Variants in SLC44A5 observed in about 807,000 individuals in gnomAD.
The protein encoded by SLC44A5 is solute carrier family 44 member 5.
In SLC44A5, 57 loss-of-function variants were observed where a neutral mutation model predicts 101.8. The observed-to-expected ratio is 0.56, with a 90% CI of 0.45 to 0.70. The LOEUF is 0.70. Among genes scored for constraint, SLC44A5 ranks in the 30% least tolerant of loss-of-function variants. The probability of loss-of-function intolerance (pLI) is 0.00; values close to 1 mark genes in which losing one functional copy is unlikely to be tolerated. For missense variants in SLC44A5, 737 were observed against 853.1 expected (o/e 0.86, Z 1.70); for synonymous variants, 281 against 290.9 (o/e 0.97, Z 0.35).
At chr1:75,563,770 T>C (rs1672644647) in intron 1 of SLC44A5, among the ~76,000 whole-genome samples, 1 of 152,150 alleles carries the variant, frequency 6.6e-6, no homozygotes, top group Admixed American at 6.5e-5. Context: ...AATAACATAG[T>C]TGTTCTATTG....
intron 2 of SLC44A5, among the ~76,000 whole-genome samples, chr1:75,472,740 A>G (rs1162325648): frequency 6.6e-6 from 1 of 152,192 alleles, no homozygotes; most frequent in African/African-American, 2.4e-5. Context: ...TAAAGCACAA[A>G]TGTGGTATTT....
At chr1:75,535,947 G>A (rs749659564) in intron 2 of SLC44A5, among the ~76,000 whole-genome samples, 7 of 151,726 alleles carry the variant, frequency 4.6e-5, no homozygotes, top group Non-Finnish European at 8.8e-5. Context: ...GGTGGTCCAT[G>A]CCTGTAATCT....
chr1:75,389,023 G>A (rs1420362067), intron 3 of SLC44A5, among the ~76,000 whole-genome samples: 1 of 152,098 alleles, frequency 6.6e-6, no homozygotes, highest in African/African-American at 2.4e-5. Context: ...AAGAGCAGGA[G>A]TGGCTATTCT....
At chr1:75,710,235 G>C in the SLC44A5 span, 1 of 152,068 alleles carries the variant, frequency 6.6e-6, no homozygotes, top group African/African-American at 2.4e-5. Flanking sequence ...TAAATATGTA[G>C]AGTTAATTGT....
At position 75,208,488 on chromosome 1, in the gene SLC44A5, A is replaced by G. The variant is rs77573209; in HGVS notation, c.2047+2980T>C. Among the ~76,000 whole-genome samples, 240 of 152,328 alleles carry G rather than the reference A, an allele frequency of 1.6e-3. 10 individuals are homozygous for G. The East Asian group carries it at 0.044, about 28-fold the overall frequency. ...AAATTTTTTATACGTGAAATTGTGAAGAAGAAAAAAGAATTTTAAGCTAGT... is the reference window on the plus strand; with the variant it reads ...AAATTTTTTATACGTGAAATTGTGAGGAAGAAAAAAGAATTTTAAGCTAGT... On this transcript the variant is annotated intron_variant, in intron 23 of 23. Coordinates refer to ENST00000370859, the MANE Select transcript of SLC44A5 (RefSeq NM_001130058.2).
In SLC44A5 at chr1:75,257,995, T is replaced by C. The variant is rs561393752; in HGVS notation, c.261-6701A>G. Among the ~76,000 whole-genome samples the C allele has an allele frequency of 2.6e-5, 4 of 152,172 alleles. No individual in the cohort carries two copies. The East Asian group carries it at 7.8e-4, about 30-fold the overall frequency. On this transcript the variant is annotated intron_variant, in intron 6 of 23. Transcript: ENST00000370859. ...CTAAGGAAATAGCCATTAGGGACTG[T>C]ATCATGCACTCTGGCCCAGATTTTG...
chr1:75,717,212 A>T, the SLC44A5 span, among the ~76,000 whole-genome samples: 3 of 151,506 alleles, frequency 2.0e-5, no homozygotes, highest in Admixed American at 1.3e-4. Flanking sequence ...GCTGTGGCTC[A>T]TGCCTGTAAT....
intron 2 of SLC44A5, among the ~76,000 whole-genome samples, chr1:75,489,457 A>C (rs1668321694): frequency 6.6e-6 from 1 of 152,242 alleles, no homozygotes; most frequent in Non-Finnish European, 1.5e-5. Context: ...TACAGGATGC[A>C]AGGTCAATAA....
intron 2 of SLC44A5, among the ~76,000 whole-genome samples, chr1:75,456,360 A>G (rs552650651): frequency 6.6e-6 from 1 of 152,228 alleles, no homozygotes; most frequent in South Asian, 2.1e-4. Flanking sequence ...AAGTAGGGAG[A>G]AAAAAGGGAA....
At chr1:75,657,870 C>T in the SLC44A5 span, among the ~76,000 whole-genome samples, 1 of 152,098 alleles carries the variant, frequency 6.6e-6, no homozygotes, top group African/African-American at 2.4e-5. Context: ...GTTATTATCC[C>T]TCTATTAGTA....
intron 5 of SLC44A5, among the ~76,000 whole-genome samples, chr1:75,275,569 A>G (rs967531467): frequency 6.6e-6 from 1 of 152,166 alleles, no homozygotes; most frequent in Non-Finnish European, 1.5e-5. Flanking sequence ...TGCAGAGGCA[A>G]TATGTAATAA....
intron 3 of SLC44A5, chr1:75,353,965 T>C: frequency 3.3e-6 from 1 of 299,496 alleles, no homozygotes; most frequent in Non-Finnish European, 6.6e-6. Flanking sequence ...TTTCCAAGGA[T>C]TCTTCTTCCA....
At chr1:75,342,210 A>T (rs963115335) in intron 3 of SLC44A5, among the ~76,000 whole-genome samples, 1 of 152,178 alleles carries the variant, frequency 6.6e-6, no homozygotes, top group Non-Finnish European at 1.5e-5. Flanking sequence ...ATTTCAAGAA[A>T]AAGGAAAGAT....
intron 2 of SLC44A5, among the ~76,000 whole-genome samples, chr1:75,400,497 G>C (rs773380996): frequency 2.0e-5 from 3 of 152,172 alleles, no homozygotes; most frequent in Non-Finnish European, 4.4e-5. Flanking sequence ...CAAAGGTTAC[G>C]CATTTTTAAG....
intron 5 of SLC44A5, among the ~76,000 whole-genome samples, chr1:75,297,853 G>A (rs1027449610): frequency 6.6e-6 from 1 of 152,062 alleles, no homozygotes; most frequent in African/African-American, 2.4e-5. Flanking sequence ...TCAATCAAAT[G>A]TTAAGTGTCT....
At chr1:75,678,200 T>C in the SLC44A5 span, among the ~76,000 whole-genome samples, 1 of 152,138 alleles carries the variant, frequency 6.6e-6, no homozygotes, top group Non-Finnish European at 1.5e-5. Flanking sequence ...CGCCCACCAA[T>C]GCCCAGGCTT....
chr1:75,313,197 T>C (rs1177348739), intron 4 of SLC44A5, among the ~76,000 whole-genome samples: 2 of 152,080 alleles, frequency 1.3e-5, no homozygotes, highest in South Asian at 2.1e-4. Flanking sequence ...ACTGTGAAAA[T>C]AAATGTCAGA....
intron 3 of SLC44A5, among the ~76,000 whole-genome samples, chr1:75,376,162 C>G (rs1386301743): frequency 2.0e-5 from 3 of 152,246 alleles, no homozygotes; most frequent in Non-Finnish European, 4.4e-5. Context: ...GAGATTATAT[C>G]CCACACCTGG....
chr1:75,274,912 C>T (rs1171670684), intron 6 of SLC44A5, 46 bp downstream of exon 6: 1 of 1,430,712 alleles, frequency 7.0e-7, no homozygotes, highest in Non-Finnish European at 9.8e-7. Flanking sequence ...ATCTAGGTTC[C>T]AGTTTAGACA....
Sources: allele counts gnomAD v4.1 joint callset (sites outside exome capture counted in the v4.1 genomes callset), GRCh38; gene constraint gnomAD v4.1.1; transcripts MANE v1.5; gene names NCBI Gene and HGNC (gene_info 2026-07-23, HGNC 2026-07-21).